ESF1: variants seen among roughly 807,000 people sequenced by gnomAD.
The protein encoded by ESF1 is ESF1 nucleolar pre-rRNA processing protein.
Under a neutral mutation model 92.0 loss-of-function variants are expected in ESF1, and 58 were observed. The ratio of observed to expected loss-of-function variants is 0.63; its 90% confidence interval spans 0.51 to 0.78. The LOEUF is 0.78. ESF1 is among the 30% of genes least tolerant of loss of function. The pLI is 0.00. For synonymous variants in ESF1, 321 were observed against 313.7 expected (o/e 1.02, Z -0.24); for missense variants, 922 against 989.1 (o/e 0.93, Z 0.91).
intron 7 of ESF1, among the ~76,000 whole-genome samples, chr20:13,767,558 A>C (rs1026402517): frequency 6.6e-6 from 1 of 152,128 alleles, no homozygotes; most frequent in Non-Finnish European, 1.5e-5. Flanking sequence ...TAACATTATG[A>C]ATCAGTGAAA....
chr20:13,758,034 A>G (rs1364209219), intron 9 of ESF1, among the ~76,000 whole-genome samples: 1 of 148,968 alleles, frequency 6.7e-6, no homozygotes, highest in Non-Finnish European at 1.5e-5. Flanking sequence ...TCTGAGTAGC[A>G]TAATTATGTA....
chr20:13,729,677 A>G (rs2049928686), intron 10 of ESF1, among the ~76,000 whole-genome samples: 1 of 152,204 alleles, frequency 6.6e-6, no homozygotes, highest in African/African-American at 2.4e-5. Context: ...AAAATCTAAA[A>G]CATACACAAA....
At chr20:13,730,513 A>G (rs943939954) in intron 10 of ESF1, among the ~76,000 whole-genome samples, 1 of 151,222 alleles carries the variant, frequency 6.6e-6, no homozygotes, top group Non-Finnish European at 1.5e-5. Context: ...CCTCCCAAGT[A>G]GCTGGGACCA....
intron 8 of ESF1, among the ~76,000 whole-genome samples, chr20:13,760,754 G>T (rs1334746155): frequency 6.7e-6 from 1 of 150,358 alleles, no homozygotes; most frequent in African/African-American, 2.4e-5. Flanking sequence ...CCGGGAGGGA[G>T]GTGGGGGGGT....
At chr20:13,725,619 T>C (rs946006394) in intron 11 of ESF1, among the ~76,000 whole-genome samples, 2 of 152,152 alleles carry the variant, frequency 1.3e-5, no homozygotes, top group Non-Finnish European at 2.9e-5. Context: ...GCTTTTCCCA[T>C]CCTTTCAGGT....
chr20:13,725,000 G>A (rs867362003), intron 11 of ESF1, among the ~76,000 whole-genome samples: 19 of 152,200 alleles, frequency 1.2e-4, no homozygotes, highest in Admixed American at 4.6e-4. Context: ...TATCTGGCCT[G>A]GCCTTCAAAT....
At chr20:13,739,576 T>C (rs2049997766) in intron 9 of ESF1, among the ~76,000 whole-genome samples, 1 of 152,210 alleles carries the variant, frequency 6.6e-6, no homozygotes, top group African/African-American at 2.4e-5. Flanking sequence ...TTCTGCTAAT[T>C]AGTTTACGGC....
intron 11 of ESF1, among the ~76,000 whole-genome samples, chr20:13,721,958 G>A (rs1297124756): frequency 6.6e-6 from 1 of 152,076 alleles, no homozygotes; most frequent in Non-Finnish European, 1.5e-5. Context: ...GGTTCCACTT[G>A]CTTAGGGTAT....
intron 11 of ESF1, among the ~76,000 whole-genome samples, chr20:13,723,381 G>A: frequency 6.6e-6 from 1 of 151,654 alleles, no homozygotes; most frequent in Non-Finnish European, 1.5e-5. Context: ...TTACAATGTT[G>A]TAAAATTACA....
At chr20:13,741,770 G>A (rs2050015016) in intron 9 of ESF1, among the ~76,000 whole-genome samples, 1 of 152,234 alleles carries the variant, frequency 6.6e-6, no homozygotes, top group East Asian at 1.9e-4. Context: ...AGATAAATCT[G>A]ACAATATTAA....
chr20:13,745,356 A>G (rs560713322), intron 9 of ESF1, among the ~76,000 whole-genome samples: 1 of 152,382 alleles, frequency 6.6e-6, no homozygotes, highest in South Asian at 2.1e-4. Context: ...ATACATTGTG[A>G]TAAGTTATAC....
chr20:13,774,642 A>C (rs1327476054), intron 4 of ESF1, among the ~76,000 whole-genome samples: 2 of 152,240 alleles, frequency 1.3e-5, no homozygotes, highest in African/African-American at 4.8e-5. Flanking sequence ...ACGAGAATCA[A>C]GATTTGAACC....
intron 8 of ESF1, among the ~76,000 whole-genome samples, chr20:13,764,162 T>C (rs1183845683): frequency 3.3e-5 from 5 of 152,238 alleles, no homozygotes; most frequent in Admixed American, 2.6e-4. Flanking sequence ...AGAATATTCA[T>C]TCTTGCTAAT....
rs780439472 is a variant in ESF1, at chr20:13,771,366, C to T, written c.1368G>A (p.Leu456=). ...TGAAAGAACAACTACTTTCAAATTC[C>T]AGGCCATCACAATCCTCATAAATTT... ...ASKIYEDCDG[L]EFESSCSFID... is the part of the protein sequence containing the mutation. Residue 456 remains leucine, a synonymous_variant, in exon 6 of 14, where the codon CTG becomes CTA. Coordinates refer to ENST00000617257, the MANE Select transcript of ESF1 (RefSeq NM_001276380.2). 13 of 1,612,334 alleles carry T rather than the reference C, an allele frequency of 8.1e-6. No individual in the cohort carries two copies. The highest frequency in any genetic ancestry group is 3.3e-5 in the South Asian group (3 of 91,002).
At chr20:13,764,045 T>C (rs1009410152) in intron 8 of ESF1, among the ~76,000 whole-genome samples, 1 of 152,196 alleles carries the variant, frequency 6.6e-6, no homozygotes, top group Non-Finnish European at 1.5e-5. Context: ...ATTATGGTCA[T>C]ACTAAAGAAG....
chr20:13,776,870 T>C (rs923216329), intron 2 of ESF1, among the ~76,000 whole-genome samples: 4 of 152,046 alleles, frequency 2.6e-5, no homozygotes, highest in Non-Finnish European at 4.4e-5. Context: ...AATCTGCCAA[T>C]AGGAAAAAGC....
rs766218175 is a variant in ESF1 at position 13,759,809 on chromosome 20, TTTTC to T, written c.1707_1710del (p.Lys570ValfsTer59). The T allele has an allele frequency of 1.4e-5, 23 of 1,599,956 alleles. No homozygotes were observed. In the East Asian group the frequency reaches 1.6e-4, roughly 11 times the overall value. On this transcript the variant is annotated frameshift_variant, in exon 9 of 14. Coordinates refer to ENST00000617257, the MANE Select transcript of ESF1 (RefSeq NM_001276380.2). LOFTEE classifies it high-confidence loss of function. The stretch of plus-strand genomic sequence containing the variant: ...ATTTGTTCTTCATCATCCTTCTGAC[TTTTC>T]TTTGTTTTCCCATCTTCTTCTACAT...
chr20:13,778,345 G>A (rs1980034625), intron 2 of ESF1, among the ~76,000 whole-genome samples: 1 of 151,900 alleles, frequency 6.6e-6, no homozygotes, highest in Non-Finnish European at 1.5e-5. Flanking sequence ...TATGAGGTAA[G>A]CAGAATTTAC....
At chr20:13,756,756 G>A (rs1442707320) in intron 9 of ESF1, among the ~76,000 whole-genome samples, 1 of 152,180 alleles carries the variant, frequency 6.6e-6, no homozygotes, top group Non-Finnish European at 1.5e-5. Flanking sequence ...TAACTAGTGA[G>A]TTAAGCCTGA....
Sources: gnomAD v4.1 joint callset for allele counts (sites outside exome capture counted in the v4.1 genomes callset) on GRCh38, gnomAD v4.1.1 for gene constraint, MANE v1.5 for transcripts, NCBI Gene and HGNC (gene_info 2026-07-23, HGNC 2026-07-21) for gene names.